The following AGTPBP1 variants were observed in gnomAD, a reference collection of about 807,000 sequenced individuals.
AGTPBP1 encodes the protein ATP/GTP binding carboxypeptidase 1.
Under a neutral mutation model 143.9 loss-of-function variants are expected in AGTPBP1, and 70 were observed. That is an observed-to-expected ratio of 0.49 (90% confidence interval 0.40 to 0.59). The LOEUF is 0.59. Ranked by LOEUF, AGTPBP1 falls within the 20% of genes least tolerant of loss-of-function variation. AGTPBP1 has a pLI of 0.00. For synonymous variants in AGTPBP1, 463 were observed against 500.2 expected (o/e 0.93, Z 0.99); for missense variants, 1,229 against 1,464.5 (o/e 0.84, Z 2.62).
chr9:85,645,095 CCT>C (rs986129280), intron 12 of AGTPBP1, among the ~76,000 whole-genome samples: 8 of 152,104 alleles, frequency 5.3e-5, no homozygotes, highest in African/African-American at 1.4e-4. Context: ...CCTCTCTCTT[CCT>C]CTGTTTTCTA....
In AGTPBP1 at chr9:85,613,923, C is replaced by A. The variant is rs550095470; in HGVS notation, c.2335+5060G>T. Among the ~76,000 whole-genome samples, 9 of 152,012 alleles carry A rather than the reference C, an allele frequency of 5.9e-5. No individual in the cohort carries two copies. The South Asian group carries it at 1.0e-3, about 18-fold the overall frequency. On this transcript the variant is annotated intron_variant, in intron 17 of 25. Transcript: ENST00000357081. The stretch of plus-strand genomic sequence containing the variant: ...AGCCAAGCTGACCTATTCCTAAAAT[C>A]CAAGGGTGGCTTAATAACATGAATA...
chr9:85,655,735 TG>T (rs1341725991), intron 10 of AGTPBP1, among the ~76,000 whole-genome samples: 1 of 151,882 alleles, frequency 6.6e-6, no homozygotes. Flanking sequence ...TCCTCAGAAC[TG>T]TATCAGTTAT....
intron 3 of AGTPBP1, among the ~76,000 whole-genome samples, chr9:85,690,288 C>T (rs1835777686): frequency 6.6e-6 from 1 of 152,122 alleles, no homozygotes; most frequent in Non-Finnish European, 1.5e-5. Context: ...ACTGGATTAT[C>T]CTATAAAGGA....
At chr9:85,684,237 A>T (rs907730667) in intron 3 of AGTPBP1, among the ~76,000 whole-genome samples, 2 of 152,170 alleles carry the variant, frequency 1.3e-5, no homozygotes, top group Non-Finnish European at 2.9e-5. Flanking sequence ...AAAATGAAGC[A>T]AAGTAATTAG....
chr9:85,625,645 G>C (rs1369155635), intron 14 of AGTPBP1, among the ~76,000 whole-genome samples: 1 of 151,754 alleles, frequency 6.6e-6, no homozygotes. Flanking sequence ...CAGCACTTTG[G>C]GAGGCTGAGG....
chr9:85,671,852 G>A (rs981793096), intron 7 of AGTPBP1, among the ~76,000 whole-genome samples: 1 of 152,098 alleles, frequency 6.6e-6, no homozygotes, highest in African/African-American at 2.4e-5. Context: ...ATTGATTGCT[G>A]AAGAGAATTA....
At chr9:85,622,837 C>T (rs148281839) in intron 14 of AGTPBP1, among the ~76,000 whole-genome samples, 3 of 152,252 alleles carry the variant, frequency 2.0e-5, no homozygotes, top group East Asian at 3.9e-4. Flanking sequence ...TTCACATACT[C>T]AAAATATACC....
the AGTPBP1 span, among the ~76,000 whole-genome samples, chr9:85,780,549 T>A: frequency 6.6e-6 from 1 of 151,746 alleles, no homozygotes; most frequent in South Asian, 2.1e-4. Context: ...AAGCAGCCAA[T>A]GAACAGAGTT....
At chr9:85,742,014 C>T, upstream of AGTPBP1, 1 of 1,203,840 alleles carries the variant, frequency 8.3e-7, no homozygotes, top group South Asian at 4.1e-5. Flanking sequence ...TGCCAGCCGG[C>T]TCCCAGCACG....
At chr9:85,610,997 C>G (rs1830277931) in intron 17 of AGTPBP1, among the ~76,000 whole-genome samples, 1 of 152,008 alleles carries the variant, frequency 6.6e-6, no homozygotes, top group African/African-American at 2.4e-5. Context: ...TAGTTAAATA[C>G]TTACAAATAC....
At chr9:85,575,682 T>G (rs1398993976) in intron 24 of AGTPBP1, among the ~76,000 whole-genome samples, 5 of 152,204 alleles carry the variant, frequency 3.3e-5, no homozygotes, top group Non-Finnish European at 7.4e-5. Context: ...AAAAGACAAT[T>G]TCTAAAATGT....
chr9:85,585,357 G>T, intron 23 of AGTPBP1, 106 bp downstream of exon 23: 1 of 1,152,270 alleles, frequency 8.7e-7, no homozygotes. Flanking sequence ...AACAAAAATG[G>T]CAAAATGTCA....
chr9:85,791,173 T>A, the AGTPBP1 span, among the ~76,000 whole-genome samples: 1 of 150,426 alleles, frequency 6.6e-6, no homozygotes, highest in African/African-American at 2.4e-5. Flanking sequence ...AGGTCAGGAG[T>A]TCAAGACCAG....
At chr9:85,561,365 T>C (rs1826705030) in intron 25 of AGTPBP1, among the ~76,000 whole-genome samples, 1 of 146,866 alleles carries the variant, frequency 6.8e-6, no homozygotes, top group East Asian at 2.0e-4. Context: ...TCCAGCCTGG[T>C]GACAGAGTGA....
At chr9:85,734,150 C>G (rs1839075447) in intron 1 of AGTPBP1, among the ~76,000 whole-genome samples, 1 of 151,878 alleles carries the variant, frequency 6.6e-6, no homozygotes, top group South Asian at 2.1e-4. Context: ...CTACTCAGGA[C>G]GCTGAGGCAG....
chr9:85,790,694 A>T, the AGTPBP1 span, among the ~76,000 whole-genome samples: 1 of 152,216 alleles, frequency 6.6e-6, no homozygotes, highest in Non-Finnish European at 1.5e-5. Context: ...AAATGCTAAC[A>T]GTGTAATTTG....
chr9:85,687,027 TA>T (rs1835527620), intron 3 of AGTPBP1, among the ~76,000 whole-genome samples: 1 of 151,918 alleles, frequency 6.6e-6, no homozygotes, highest in South Asian at 2.1e-4. Context: ...AGGTTCAAAG[TA>T]AAAGGAATGA....
intron 10 of AGTPBP1, among the ~76,000 whole-genome samples, chr9:85,656,491 T>C (rs1421566710): frequency 6.6e-6 from 1 of 152,190 alleles, no homozygotes; most frequent in Non-Finnish European, 1.5e-5. Context: ...TCTCAACTCT[T>C]GTCATATAAA....
chr9:85,772,481 C>T, the AGTPBP1 span, among the ~76,000 whole-genome samples: 1 of 152,210 alleles, frequency 6.6e-6, no homozygotes, highest in Non-Finnish European at 1.5e-5. Flanking sequence ...GGTGTGGTGG[C>T]TCACGCCTAT....
Sources: allele counts gnomAD v4.1 joint callset (sites outside exome capture counted in the v4.1 genomes callset), GRCh38; gene constraint gnomAD v4.1.1; transcripts MANE v1.5; gene names NCBI Gene and HGNC (gene_info 2026-07-23, HGNC 2026-07-21).